Variants in TTC17 observed in about 807,000 individuals in gnomAD.
The protein encoded by TTC17 is tetratricopeptide repeat protein 17.
TTC17 carries 58 observed loss-of-function variants against 143.8 expected under a neutral mutation model. That is an observed-to-expected ratio of 0.40 (90% CI 0.33 to 0.50). The LOEUF is 0.50. Ranked by LOEUF, TTC17 falls within the 20% of genes least tolerant of loss-of-function variation. The pLI is 0.49. For synonymous variants in TTC17, 501 were observed against 497.8 expected, an observed-to-expected ratio of 1.01 and a Z score of -0.09; for missense variants, 1,273 against 1,392.5, an observed-to-expected ratio of 0.91 and a Z score of 1.37.
intron 21 of TTC17, among the ~76,000 whole-genome samples, chr11:43,467,520 G>T (rs1735969180): frequency 6.6e-6 from 1 of 152,220 alleles, no homozygotes; most frequent in African/African-American, 2.4e-5. Flanking sequence ...CTGGGAGGAA[G>T]GGGGTGTGAA....
At chr11:43,379,116 G>C (rs993522962) in intron 1 of TTC17, 117 bp from the exon 2 acceptor site, 1 of 947,546 alleles carries the variant, frequency 1.1e-6, no homozygotes, top group African/African-American at 1.6e-5. Flanking sequence ...GTTTTGCTGA[G>C]GAATAACGCT....
intron 21 of TTC17, among the ~76,000 whole-genome samples, chr11:43,489,074 T>C (rs1013851431): frequency 6.6e-6 from 1 of 152,184 alleles, no homozygotes; most frequent in African/African-American, 2.4e-5. Context: ...AACCAAATTC[T>C]GTAGCAATCA....
intron 2 of TTC17, among the ~76,000 whole-genome samples, chr11:43,383,500 G>A (rs1006911889): frequency 5.9e-5 from 9 of 151,570 alleles, no homozygotes; most frequent in African/African-American, 1.9e-4. Context: ...TTACAGGCAT[G>A]TGCCACCACG....
At chr11:43,376,671 T>C (rs1565132699) in intron 1 of TTC17, among the ~76,000 whole-genome samples, 1 of 152,246 alleles carries the variant, frequency 6.6e-6, no homozygotes, top group South Asian at 2.1e-4. Flanking sequence ...TTACACGTTG[T>C]ATATGACACA....
intron 15 of TTC17, among the ~76,000 whole-genome samples, chr11:43,407,879 C>G (rs1858218527): frequency 6.6e-6 from 1 of 151,014 alleles, no homozygotes; most frequent in Non-Finnish European, 1.5e-5. Context: ...TCTGAAACAT[C>G]TGGTTTGTAT....
chr11:43,360,522 C>A (rs939308259), intron 1 of TTC17, among the ~76,000 whole-genome samples: 10 of 152,130 alleles, frequency 6.6e-5, no homozygotes, highest in Non-Finnish European at 8.8e-5. Context: ...TTTTGGGGAG[C>A]CTTTCTCCTG....
At chr11:43,429,450 T>A (rs1456932557) in intron 16 of TTC17, among the ~76,000 whole-genome samples, 1 of 152,226 alleles carries the variant, frequency 6.6e-6, no homozygotes, top group African/African-American at 2.4e-5. Flanking sequence ...CCTGTTACTC[T>A]GTGTGGTGCC....
intron 16 of TTC17, chr11:43,435,467 TG>T (rs1947271373): frequency 6.6e-6 from 1 of 152,182 alleles, no homozygotes; most frequent in African/African-American, 2.4e-5. Context: ...AGCTGAATAG[TG>T]GGGGTTTGGG....
At position 43,359,006 on chromosome 11, in the gene TTC17, G is replaced by T; in HGVS notation, c.52G>T (p.Gly18Cys). Residue 18 changes from glycine to cysteine, a missense_variant, in exon 1 of 24, where the codon GGC (glycine) becomes TGC (cysteine). By Grantham distance (159) the Gly-to-Cys change is radical (BLOSUM62 -3). This residue lies in a region of TTC17 where 70 missense variants were observed against 48.5 expected (regional missense o/e 1.44). Coordinates refer to ENST00000039989, the MANE Select transcript of TTC17 (RefSeq NM_018259.6). Reference sequence around the variant, plus strand: ...CCGGTACGAGCTGCCGCCTTGCTCCGGCCCAGGCTGGCTCCTCAGCCTTTC... The same window carrying T: ...CCGGTACGAGCTGCCGCCTTGCTCCTGCCCAGGCTGGCTCCTCAGCCTTTC... ...RGRYELPPCSGPGWLLSLSAL... is the reference protein window; with the variant it reads ...RGRYELPPCSCPGWLLSLSAL... The T allele has an allele frequency of 6.3e-7, 1 of 1,586,578 alleles. No homozygotes were observed. Among genetic ancestry groups the T allele is most frequent in the Non-Finnish European group, 8.6e-7 (1 of 1,167,352 alleles).
intron 21 of TTC17, among the ~76,000 whole-genome samples, chr11:43,482,002 G>C (rs889023340): frequency 6.6e-6 from 1 of 151,838 alleles, no homozygotes; most frequent in Non-Finnish European, 1.5e-5. Flanking sequence ...TAGAGATGAG[G>C]TTTCACCATG....
intron 21 of TTC17, among the ~76,000 whole-genome samples, chr11:43,452,039 A>T (rs1362678928): frequency 6.6e-6 from 1 of 152,194 alleles, no homozygotes; most frequent in Non-Finnish European, 1.5e-5. Flanking sequence ...AGTGGTTATG[A>T]TCCACACAAA....
At chr11:43,387,265 A>G (rs1297792868) in intron 2 of TTC17, among the ~76,000 whole-genome samples, 1 of 152,216 alleles carries the variant, frequency 6.6e-6, no homozygotes, top group Non-Finnish European at 1.5e-5. Flanking sequence ...ATTGGCAACA[A>G]ATAGCCCGCA....
chr11:43,493,707 G>A lies in TTC17; in HGVS notation c.3295-66G>A, dbSNP rs377330593. 2.4e-5 allele frequency: 39 copies of A among 1,609,860 alleles called. No individual in the cohort carries two copies. The South Asian group carries it at 3.9e-4, about 16-fold the overall frequency. The stretch of plus-strand genomic sequence containing the variant: ...TACAGAGGTGCTTCTTGAGAAAAAA[G>A]AGGTCACAGTATATATTTAGTCTGC... On this transcript the variant is annotated intron_variant, in intron 23 of 23. Coordinates refer to ENST00000039989, the MANE Select transcript of TTC17 (RefSeq NM_018259.6).
intron 9 of TTC17, among the ~76,000 whole-genome samples, chr11:43,401,162 T>G (rs1857836906): frequency 6.6e-6 from 1 of 152,212 alleles, no homozygotes; most frequent in Admixed American, 6.5e-5. Flanking sequence ...CTTAAAACGA[T>G]GTAATCACTA....
At chr11:43,394,517 T>G (rs760444242) in intron 5 of TTC17, among the ~76,000 whole-genome samples, 1 of 152,074 alleles carries the variant, frequency 6.6e-6, no homozygotes, top group African/African-American at 2.4e-5. Flanking sequence ...TCAGGAGATA[T>G]TTAGGAGTTT....
chr11:43,442,892 G>A (rs932123766), intron 16 of TTC17, among the ~76,000 whole-genome samples: 5 of 152,112 alleles, frequency 3.3e-5, no homozygotes, highest in Non-Finnish European at 7.4e-5. Context: ...TTCAATTAAG[G>A]CAATTAAGCC....
intron 1 of TTC17, among the ~76,000 whole-genome samples, chr11:43,359,455 G>C (rs1856005945): frequency 6.6e-6 from 1 of 152,148 alleles, no homozygotes; most frequent in African/African-American, 2.4e-5. Flanking sequence ...CCTGCCTTTG[G>C]TGCCTCTCGG....
chr11:43,387,855 C>T (rs1212948330), intron 2 of TTC17, among the ~76,000 whole-genome samples: 1 of 152,164 alleles, frequency 6.6e-6, no homozygotes, highest in African/African-American at 2.4e-5. Flanking sequence ...TACAGTCCAT[C>T]ACAATAACAT....
Position 43,443,449 on chromosome 11 carries a change from G to T in TTC17, c.2376G>T (p.Gly792=). The change falls in exon 17 of 24, where the codon GGG becomes GGT. Residue 792 remains glycine (G), a synonymous_variant. Transcript: ENST00000039989. ...AGGCATGGCCTTTGGAAGGCTTTGG[G>T]GGTGCACTAGAGATGAAAGGGCGGC... The part of the protein sequence containing the change: ...FQQAWPLEGF[G]GALEMKGRRL... The T allele has an allele frequency of 6.2e-7, 1 of 1,614,184 alleles. No homozygotes were observed. Among genetic ancestry groups the T allele is most frequent in the Non-Finnish European group, 8.5e-7 (1 of 1,180,024 alleles).
Sources: allele counts gnomAD v4.1 joint callset (sites outside exome capture counted in the v4.1 genomes callset), GRCh38; gene constraint gnomAD v4.1.1; regional missense constraint gnomAD v4.1.1; transcripts MANE v1.5; gene names NCBI Gene and HGNC (gene_info 2026-07-23, HGNC 2026-07-21).